VWA8: variants seen among roughly 807,000 people sequenced by gnomAD.
The protein encoded by VWA8 is von Willebrand factor A domain-containing protein 8.
In VWA8, 221 loss-of-function variants were observed where a neutral mutation model predicts 241.5. The observed-to-expected ratio is 0.91, with a 90% CI of 0.82 to 1.02. The LOEUF (loss-of-function observed/expected upper bound fraction) is 1.02, where lower values mean the gene tolerates loss of function less well. Among genes scored for constraint, VWA8 ranks in the 50% least tolerant of loss-of-function variants. The probability of loss-of-function intolerance (pLI) is 0.00; values close to 1 mark genes in which losing one functional copy is unlikely to be tolerated. For synonymous variants in VWA8, 852 were observed against 827.1 expected (o/e 1.03, Z -0.52); for missense variants, 2,322 against 2,328.7 (o/e 1.00, Z 0.06).
In VWA8 at chr13:41,829,509, G is replaced by A. The variant is rs559116959; in HGVS notation, c.1700+1020C>T. Among the ~76,000 whole-genome samples, 65 of 147,886 alleles carry A rather than the reference G, an allele frequency of 4.4e-4. No homozygotes were observed. The South Asian group carries it at 7.1e-3, about 16-fold the overall frequency. On this transcript the variant is annotated intron_variant, in intron 14 of 44. Transcript: ENST00000379310. ...ACCAACCTAAGTGCCTATAACCAAC[G>A]AGTGGATAAAGGAAATGTGATACAC...
chr13:41,588,483 G>A (rs966040126), intron 41 of VWA8, among the ~76,000 whole-genome samples: 1 of 152,168 alleles, frequency 6.6e-6, no homozygotes, highest in African/African-American at 2.4e-5. Flanking sequence ...TGCTTTGGGA[G>A]GCCAAGGTGG....
chr13:41,596,044 T>G (rs1486338061), intron 40 of VWA8, among the ~76,000 whole-genome samples: 1 of 152,188 alleles, frequency 6.6e-6, no homozygotes, highest in Non-Finnish European at 1.5e-5. Flanking sequence ...GTATACTCCT[T>G]CATTTTTATT....
intron 42 of VWA8, among the ~76,000 whole-genome samples, chr13:41,580,418 A>G (rs568707494): frequency 7.2e-5 from 11 of 152,332 alleles, no homozygotes; most frequent in African/African-American, 2.6e-4. Flanking sequence ...GAGGTACTGG[A>G]AAGAGATTAA....
chr13:41,887,874 G>A (rs1204306585), intron 5 of VWA8, among the ~76,000 whole-genome samples: 1 of 152,202 alleles, frequency 6.6e-6, no homozygotes, highest in East Asian at 1.9e-4. Flanking sequence ...ACTTTCACCA[G>A]AATCCAATAT....
At chr13:41,729,838 CACACAT>C (rs1241961931) in intron 22 of VWA8, among the ~76,000 whole-genome samples, 161 bp from the exon 23 acceptor site, 1 of 148,890 alleles carries the variant, frequency 6.7e-6, no homozygotes, top group East Asian at 1.9e-4. Flanking sequence ...CACACACACA[CACACAT>C]CTATAGCAGA....
chr13:41,810,872 A>C (rs1197183721), intron 17 of VWA8, among the ~76,000 whole-genome samples: 1 of 152,094 alleles, frequency 6.6e-6, no homozygotes, highest in Non-Finnish European at 1.5e-5. Flanking sequence ...TATCTCATGT[A>C]CCCCATAAAT....
At chr13:41,858,291 C>T (rs565292350) in intron 12 of VWA8, among the ~76,000 whole-genome samples, 17 of 152,138 alleles carry the variant, frequency 1.1e-4, no homozygotes, top group East Asian at 3.9e-4. Context: ...AAGAGGCAGG[C>T]GACAAAGCAA....
At chr13:41,888,427 C>T (rs1430565967) in intron 5 of VWA8, among the ~76,000 whole-genome samples, 2 of 152,276 alleles carry the variant, frequency 1.3e-5, no homozygotes, top group East Asian at 1.9e-4. Flanking sequence ...GCAACCAGTA[C>T]ACGCCCGTCC....
chr13:41,857,748 G>A (rs1872814796), intron 12 of VWA8, among the ~76,000 whole-genome samples: 1 of 151,986 alleles, frequency 6.6e-6, no homozygotes, highest in South Asian at 2.1e-4. Context: ...AACTCTTTAG[G>A]CACTGTGATG....
At chr13:41,672,852 C>T (rs191039754) in intron 36 of VWA8, among the ~76,000 whole-genome samples, 2 of 152,224 alleles carry the variant, frequency 1.3e-5, no homozygotes, top group East Asian at 3.9e-4. Flanking sequence ...GAGTAAGGGG[C>T]TATTCAAGAA....
chr13:41,646,752 A>G (rs2139684958), intron 37 of VWA8, among the ~76,000 whole-genome samples: 1 of 152,398 alleles, frequency 6.6e-6, no homozygotes, highest in South Asian at 2.1e-4. Context: ...AGCACTGTAT[A>G]CATCAGTAAA....
rs112662629 is a variant in VWA8, at chr13:41,728,774, G to C, written c.2638+768C>G. Among the ~76,000 whole-genome samples the C allele has an allele frequency of 7.7e-3, 1,171 of 152,108 alleles. 23 individuals are homozygous for C. The highest frequency in any genetic ancestry group is 0.025 in the African/African-American group (1,045 of 41,510). On this transcript the variant is annotated intron_variant, in intron 23 of 44. Coordinates refer to ENST00000379310, the MANE Select transcript of VWA8 (RefSeq NM_015058.2). The stretch of plus-strand genomic sequence containing the variant: ...AATGATGCTGTTGCAGAACATCTCT[G>C]TGGTGATGCACTTGTACCTTTTTAA...
chr13:41,805,210 G>A (rs75596297), intron 17 of VWA8, among the ~76,000 whole-genome samples: 2,876 of 151,924 alleles, frequency 0.019, 95 homozygotes, highest in African/African-American at 0.064. Flanking sequence ...TAAAGGGACA[G>A]AAAAAAATAT....
intron 40 of VWA8, among the ~76,000 whole-genome samples, chr13:41,597,172 C>A (rs1221339722): frequency 6.6e-6 from 1 of 151,996 alleles, no homozygotes; most frequent in African/African-American, 2.4e-5. Flanking sequence ...TTAGAGGGTA[C>A]CTGTGAACAG....
intron 39 of VWA8, 85 bp from the exon 40 acceptor site, chr13:41,605,361 T>C: frequency 5.4e-6 from 7 of 1,290,004 alleles, no homozygotes; most frequent in Middle Eastern, 2.4e-4. Context: ...GCTGGAACTT[T>C]AGCAAACTCC....
At chr13:41,946,879 A>T (rs185623443) in intron 2 of VWA8, among the ~76,000 whole-genome samples, 20 of 152,266 alleles carry the variant, frequency 1.3e-4, no homozygotes, top group Non-Finnish European at 2.4e-4. Context: ...GTTGTAGCAA[A>T]AGAACGCCAT....
At chr13:41,935,347 A>C (rs1877299820) in intron 2 of VWA8, among the ~76,000 whole-genome samples, 1 of 152,100 alleles carries the variant, frequency 6.6e-6, no homozygotes, top group Non-Finnish European at 1.5e-5. Context: ...ACATAAAATA[A>C]AACCAAGGAA....
chr13:41,746,535 C>G (rs2045608270), intron 21 of VWA8, among the ~76,000 whole-genome samples: 1 of 152,074 alleles, frequency 6.6e-6, no homozygotes, highest in South Asian at 2.1e-4. Flanking sequence ...ACTGAGGTAC[C>G]CAGCTGGGGA....
At chr13:41,905,247 A>G (rs185665054) in intron 4 of VWA8, 22 of 152,152 alleles carry the variant, frequency 1.4e-4, no homozygotes, top group Non-Finnish European at 2.2e-4. Flanking sequence ...TTCACAAAGA[A>G]AACACAGCAG....
Sources: allele counts gnomAD v4.1 joint callset (sites outside exome capture counted in the v4.1 genomes callset), GRCh38; gene constraint gnomAD v4.1.1; transcripts MANE v1.5; gene names NCBI Gene and HGNC (gene_info 2026-07-23, HGNC 2026-07-21).